LPAR1: variants seen among roughly 807,000 people sequenced by gnomAD.
The protein encoded by LPAR1 is LPA receptor 1.
In LPAR1, 5 loss-of-function variants were observed where a neutral mutation model predicts 23.8. That is an observed-to-expected ratio of 0.21 (90% CI 0.11 to 0.44). LPAR1 has a LOEUF of 0.44. Among genes scored for constraint, LPAR1 ranks in the 20% least tolerant of loss-of-function variants. The probability of loss-of-function intolerance (pLI) is 0.99; values close to 1 mark genes in which losing one functional copy is unlikely to be tolerated. For synonymous variants in LPAR1, 160 were observed against 164.7 expected, an observed-to-expected ratio of 0.97 and a Z score of 0.22; for missense variants, 311 against 482.8, an observed-to-expected ratio of 0.64 and a Z score of 3.33.
chr9:111,037,174 G>C (rs73541487), intron 1 of LPAR1, among the ~76,000 whole-genome samples: 5,255 of 152,258 alleles, frequency 0.035, 294 homozygotes, highest in African/African-American at 0.12. Flanking sequence ...AACTGTTAGA[G>C]CCTGAAGGAA....
chr9:110,964,691 T>G (rs910223008), intron 4 of LPAR1, among the ~76,000 whole-genome samples: 1 of 151,722 alleles, frequency 6.6e-6, no homozygotes, highest in Admixed American at 6.6e-5. Flanking sequence ...ACCCATTTAA[T>G]GTGAAATTCA....
At chr9:110,976,811 T>C (rs942707233) in intron 2 of LPAR1, among the ~76,000 whole-genome samples, 13 of 152,298 alleles carry the variant, frequency 8.5e-5, no homozygotes, top group South Asian at 4.1e-4. Flanking sequence ...CTGCAAAAGA[T>C]GAGCTTTGTC....
chr9:110,923,273 C>T (rs1390370567), intron 5 of LPAR1, among the ~76,000 whole-genome samples: 1 of 152,170 alleles, frequency 6.6e-6, no homozygotes, highest in Non-Finnish European at 1.5e-5. Context: ...TACTTATAAA[C>T]TTGGCATCTT....
chr9:110,882,648 T>C (rs2081198001), intron 5 of LPAR1, among the ~76,000 whole-genome samples: 1 of 152,130 alleles, frequency 6.6e-6, no homozygotes, highest in East Asian at 1.9e-4. Flanking sequence ...AGTGCACAGA[T>C]ACATAATAAA....
chr9:110,894,350 C>A (rs781680317), intron 5 of LPAR1, among the ~76,000 whole-genome samples: 3 of 152,092 alleles, frequency 2.0e-5, no homozygotes, highest in Non-Finnish European at 2.9e-5. Context: ...CACTTTTGCC[C>A]AGCCTCAATA....
chr9:110,973,216 T>C (rs1469580848), intron 3 of LPAR1, among the ~76,000 whole-genome samples: 2 of 152,158 alleles, frequency 1.3e-5, no homozygotes, highest in African/African-American at 4.8e-5. Context: ...CTGTGGAAAG[T>C]GAAGCTTCGG....
intron 5 of LPAR1, among the ~76,000 whole-genome samples, chr9:110,898,674 T>C (rs1324443478): frequency 6.6e-6 from 1 of 152,232 alleles, no homozygotes; most frequent in African/African-American, 2.4e-5. Flanking sequence ...GTTTGATCTT[T>C]TGACTAGCAC....
At chr9:111,015,558 T>C (rs1028238789) in intron 2 of LPAR1, among the ~76,000 whole-genome samples, 2 of 151,894 alleles carry the variant, frequency 1.3e-5, no homozygotes, top group Non-Finnish European at 2.9e-5. Flanking sequence ...TGAAGAACAG[T>C]GGGGTGGGAG....
chr9:110,875,765 G>A (rs1282777124), intron 5 of LPAR1, 43 bp from the exon 6 acceptor site: 4 of 1,127,398 alleles, frequency 3.5e-6, no homozygotes, highest in South Asian at 2.2e-5. Flanking sequence ...TTTAAAAAGA[G>A]AATGAAAAAA....
At chr9:110,991,121 A>G (rs1042593472) in intron 2 of LPAR1, among the ~76,000 whole-genome samples, 2 of 152,228 alleles carry the variant, frequency 1.3e-5, no homozygotes. Context: ...TAGAACCATA[A>G]AACTTCTAGA....
chr9:110,900,581 T>C (rs2088488419), intron 5 of LPAR1, among the ~76,000 whole-genome samples: 1 of 152,202 alleles, frequency 6.6e-6, no homozygotes, highest in African/African-American at 2.4e-5. Context: ...CATAAATTCA[T>C]CTAAGGAAGA....
chr9:110,877,560 T>C (rs2079445777), intron 5 of LPAR1, among the ~76,000 whole-genome samples: 1 of 152,188 alleles, frequency 6.6e-6, no homozygotes, highest in Non-Finnish European at 1.5e-5. Context: ...TCAGAAATAA[T>C]GCATTATTCA....
intron 5 of LPAR1, among the ~76,000 whole-genome samples, chr9:110,916,680 C>T (rs534033149): frequency 9.2e-5 from 14 of 152,120 alleles, no homozygotes; most frequent in African/African-American, 3.1e-4. Flanking sequence ...GAACAGCCTC[C>T]TAATGAGGCA....
At chr9:110,886,653 T>C (rs944482318) in intron 5 of LPAR1, among the ~76,000 whole-genome samples, 2 of 152,220 alleles carry the variant, frequency 1.3e-5, no homozygotes, top group African/African-American at 4.8e-5. Context: ...TTTTACATAA[T>C]GTGCACTATG....
chr9:110,876,586 CCA>C (rs1263360829), intron 5 of LPAR1, among the ~76,000 whole-genome samples: 1 of 152,092 alleles, frequency 6.6e-6, no homozygotes, highest in Non-Finnish European at 1.5e-5. Context: ...CAGAAAAATC[CCA>C]GAGTTTCTGT....
At chr9:110,966,482 A>G (rs913423796) in intron 4 of LPAR1, among the ~76,000 whole-genome samples, 2 of 142,552 alleles carry the variant, frequency 1.4e-5, no homozygotes, top group East Asian at 2.0e-4. Flanking sequence ...CCATCTCAAG[A>G]AAAAAAAAAA....
At chr9:110,977,343 T>C (rs2096573194) in intron 2 of LPAR1, among the ~76,000 whole-genome samples, 1 of 152,070 alleles carries the variant, frequency 6.6e-6, no homozygotes, top group Non-Finnish European at 1.5e-5. Context: ...CCATGATGAC[T>C]ACCACAGAAA....
At chr9:110,905,030 C>A (rs1259076882) in intron 5 of LPAR1, among the ~76,000 whole-genome samples, 2 of 152,224 alleles carry the variant, frequency 1.3e-5, no homozygotes. Flanking sequence ...TTATTCATTT[C>A]TTTCCCACCT....
chr9:110,915,217 G>T (rs542298686), intron 5 of LPAR1, among the ~76,000 whole-genome samples: 2 of 152,274 alleles, frequency 1.3e-5, no homozygotes, highest in South Asian at 4.2e-4. Context: ...AGAATAAGAA[G>T]TACATATTGT....
Sources: allele counts gnomAD v4.1 joint callset (sites outside exome capture counted in the v4.1 genomes callset), GRCh38; gene constraint gnomAD v4.1.1; transcripts MANE v1.5; gene names NCBI Gene and HGNC (gene_info 2026-07-23, HGNC 2026-07-21).